EPB41L3: variants seen among roughly 807,000 people sequenced by gnomAD.
EPB41L3 encodes band 4.1-like protein 3.
EPB41L3 carries 57 observed loss-of-function variants against 127.1 expected under a neutral mutation model. The ratio of observed to expected loss-of-function variants is 0.45; its 90% CI spans 0.36 to 0.56. EPB41L3 has a LOEUF of 0.56. EPB41L3 is among the 20% of genes least tolerant of loss of function. The pLI, the probability that EPB41L3 is intolerant of heterozygous loss-of-function variation, is 0.00. For missense variants in EPB41L3, 1,273 were observed against 1,372.2 expected (o/e 0.93, Z 1.14); for synonymous variants, 572 against 549.5 (o/e 1.04, Z -0.57).
At chr18:5,483,906 A>G (rs117815798) in intron 2 of EPB41L3, among the ~76,000 whole-genome samples, 3 of 151,596 alleles carry the variant, frequency 2.0e-5, no homozygotes, top group Non-Finnish European at 4.4e-5. Flanking sequence ...AAGGGACAGA[A>G]CATCCAGACA....
intron 1 of EPB41L3, among the ~76,000 whole-genome samples, chr18:5,534,697 T>C (rs1396769214): frequency 6.6e-6 from 1 of 152,060 alleles, no homozygotes; most frequent in Non-Finnish European, 1.5e-5. Context: ...CTAAGACATG[T>C]CCCTAAAAAC....
intron 10 of EPB41L3, among the ~76,000 whole-genome samples, chr18:5,424,031 A>T (rs2077822449): frequency 6.6e-6 from 1 of 152,194 alleles, no homozygotes; most frequent in African/African-American, 2.4e-5. Flanking sequence ...TAAACACACT[A>T]AAGATACTAA....
chr18:5,483,209 T>G (rs2088949108), intron 2 of EPB41L3, among the ~76,000 whole-genome samples: 1 of 152,122 alleles, frequency 6.6e-6, no homozygotes, highest in African/African-American at 2.4e-5. Context: ...TGTGTATGTG[T>G]AGTTTTTTTT....
intron 16 of EPB41L3, among the ~76,000 whole-genome samples, chr18:5,404,010 G>C (rs1248368829): frequency 6.6e-6 from 1 of 152,112 alleles, no homozygotes; most frequent in Non-Finnish European, 1.5e-5. Context: ...CAATAATTTA[G>C]AGCAAAAGAA....
At chr18:5,449,727 G>A (rs76863903) in intron 3 of EPB41L3, among the ~76,000 whole-genome samples, 6,067 of 152,262 alleles carry the variant, frequency 0.04, 301 homozygotes, top group East Asian at 0.25. Context: ...TGAAAAGGAT[G>A]CATACTGTGT....
At chr18:5,541,001 C>T (rs2093704597) in intron 1 of EPB41L3, among the ~76,000 whole-genome samples, 1 of 148,142 alleles carries the variant, frequency 6.8e-6, no homozygotes. Context: ...AGGAGAATGG[C>T]GTGAACCCGG....
rs142866718 is a variant in EPB41L3, at chr18:5,553,913, G to A, written c.-306+58427C>T. ...TGCCCTCACCCCAACCAGCCCCACC[G>A]TTCTGAACATATCTGCCAGCCACAC... On this transcript the variant is annotated intron_variant, in intron 3 of 21. Transcript: ENST00000545076. Among the ~76,000 whole-genome samples the A allele has an allele frequency of 3.9e-5, 6 of 152,162 alleles. No individual in the cohort carries two copies. The East Asian group carries it at 9.7e-4, about 25-fold the overall frequency.
chr18:5,505,078 A>AT (rs1390166460), intron 1 of EPB41L3, among the ~76,000 whole-genome samples: 1 of 152,182 alleles, frequency 6.6e-6, no homozygotes, highest in Non-Finnish European at 1.5e-5. Flanking sequence ...CAGTGCAGGC[A>AT]TATGTATCCC....
chr18:5,424,473 G>C (rs1276824364), intron 9 of EPB41L3, 114 bp from the exon 10 acceptor site: 1 of 734,876 alleles, frequency 1.4e-6, no homozygotes, highest in Non-Finnish European at 2.2e-6. Flanking sequence ...TTACTTACTA[G>C]ATCAATTGCT....
upstream of EPB41L3, chr18:5,629,112 A>T (rs1044161323): frequency 6.6e-6 from 1 of 152,226 alleles, no homozygotes; most frequent in South Asian, 2.1e-4. Flanking sequence ...AGCCACGGGA[A>T]GATGCAACGC....
chr18:5,439,027 C>A (rs937125095), intron 5 of EPB41L3, among the ~76,000 whole-genome samples: 1 of 152,074 alleles, frequency 6.6e-6, no homozygotes, highest in South Asian at 2.1e-4. Context: ...ACTGTATTCA[C>A]TCTGTTCTTC....
chr18:5,438,377 T>C (rs763269327), intron 5 of EPB41L3, among the ~76,000 whole-genome samples: 1 of 152,162 alleles, frequency 6.6e-6, no homozygotes, highest in Non-Finnish European at 1.5e-5. Flanking sequence ...GAATCAAAGG[T>C]AAGCAAGCAC....
At chr18:5,521,281 C>G (rs1383914461) in intron 1 of EPB41L3, 7 of 152,210 alleles carry the variant, frequency 4.6e-5, no homozygotes, top group Admixed American at 4.6e-4. Flanking sequence ...AAAAAAGGAT[C>G]CTATCTAGGA....
rs1405726741 is a variant in EPB41L3, at chr18:5,551,452, C to T, written c.-306+60888G>A. Among the ~76,000 whole-genome samples the T allele has an allele frequency of 3.9e-5, 6 of 152,236 alleles. No individual in the cohort carries two copies. The East Asian group carries it at 5.8e-4, about 15-fold the overall frequency. On this transcript the variant is annotated intron_variant, in intron 3 of 21. Coordinates refer to the EPB41L3 transcript ENST00000545076. The stretch of plus-strand genomic sequence containing the variant: ...AAAAACATCCGCTGAAGGCTGGGCA[C>T]GGTGGCTCGCTCCTGTAATCCCAGC...
chr18:5,414,010 T>C (rs1370351371), intron 13 of EPB41L3, among the ~76,000 whole-genome samples: 1 of 152,232 alleles, frequency 6.6e-6, no homozygotes, highest in Non-Finnish European at 1.5e-5. Context: ...TCTGTGTGGT[T>C]TGCTATATAA....
intron 3 of EPB41L3, among the ~76,000 whole-genome samples, chr18:5,464,502 A>C (rs1390010619): frequency 6.6e-6 from 1 of 152,228 alleles, no homozygotes; most frequent in Non-Finnish European, 1.5e-5. Context: ...TCAGGGCAAA[A>C]GAGAAAGTCC....
chr18:5,438,468 AT>A (rs766250217), intron 5 of EPB41L3, among the ~76,000 whole-genome samples: 2 of 151,952 alleles, frequency 1.3e-5, no homozygotes. Context: ...ATTGCTGCGA[AT>A]TTCTGCATAG....
chr18:5,517,076 C>T (rs2092779570), intron 1 of EPB41L3, among the ~76,000 whole-genome samples: 1 of 152,098 alleles, frequency 6.6e-6, no homozygotes, highest in South Asian at 2.1e-4. Flanking sequence ...GCTCTGAGGG[C>T]AGAGCAACAT....
chr18:5,405,803 CAAAAAAAACTATGTCTCAA>C (rs942057736), intron 16 of EPB41L3, among the ~76,000 whole-genome samples: 1 of 93,178 alleles, frequency 1.1e-5, no homozygotes, highest in Non-Finnish European at 2.1e-5. Context: ...CAAACAAAAA[CAAAAAAAACTATGTCTCAA>C]AAAAAAAAAA....
Sources: allele counts gnomAD v4.1 joint callset (sites outside exome capture counted in the v4.1 genomes callset), GRCh38; gene constraint gnomAD v4.1.1; transcripts MANE v1.5; gene names NCBI Gene and HGNC (gene_info 2026-07-23, HGNC 2026-07-21).